The following JAK1 variants were observed in gnomAD, a reference collection of about 807,000 sequenced individuals.
JAK1 encodes tyrosine-protein kinase JAK1.
JAK1 carries 16 observed loss-of-function variants against 136.6 expected under a neutral mutation model. That is an observed-to-expected ratio of 0.12 (90% CI 0.08 to 0.18). The LOEUF is 0.18. JAK1 is among the 10% of genes least tolerant of loss of function. The pLI is 1.00. For synonymous variants in JAK1, 492 were observed against 519.5 expected, an observed-to-expected ratio of 0.95 and a Z score of 0.72; for missense variants, 859 against 1,450.1, an observed-to-expected ratio of 0.59 and a Z score of 6.62.
At chr1:65,053,784 G>A (rs1647400630) in intron 1 of JAK1, among the ~76,000 whole-genome samples, 1 of 152,234 alleles carries the variant, frequency 6.6e-6, no homozygotes, top group African/African-American at 2.4e-5. Context: ...TGGCACCACT[G>A]CACTCTAAGC....
intron 1 of JAK1, among the ~76,000 whole-genome samples, chr1:65,045,522 T>C (rs1435701404): frequency 6.6e-6 from 1 of 150,918 alleles, no homozygotes. Context: ...CATGAAATCA[T>C]GGTGGCTCTG....
chr1:64,851,618 A>G (rs1256466835), intron 11 of JAK1, among the ~76,000 whole-genome samples: 2 of 152,216 alleles, frequency 1.3e-5, no homozygotes, highest in Non-Finnish European at 2.9e-5. Context: ...TTCAAACAGC[A>G]AACCCAACAC....
chr1:64,844,681 C>T lies in JAK1; in HGVS notation c.2251+73G>A. 6.3e-7 allele frequency: 1 copy of T among 1,583,032 alleles called. No individual in the cohort carries two copies. The highest frequency in any genetic ancestry group is 8.7e-7 in the Non-Finnish European group (1 of 1,155,002). On this transcript the variant is annotated intron_variant, in intron 16 of 24. Coordinates refer to ENST00000342505, the MANE Select transcript of JAK1 (RefSeq NM_002227.4). The surrounding 1 kb of genome is among the most constrained non-coding windows in gnomAD (Gnocchi z 5.7). ...TGACTCTCTAAAAGGAGACCAACCC[C>T]AGCCCAGCCCTTCTCTCTGCTGACT... is the stretch of plus-strand genomic sequence containing the variant.
rs1646582501 is a variant in JAK1, at chr1:64,984,807, T to C, written c.-78+59673A>G. The C allele has an allele frequency of 3.7e-6, 4 of 1,079,700 alleles. No homozygotes were observed. Among genetic ancestry groups the C allele is most frequent in the Non-Finnish European group, 5.6e-6 (4 of 720,658 alleles). The allele number at this position is 1,079,700 out of a possible 1,614,324, so 66.9% of individuals were successfully genotyped here. ...GAAGTCGGTGAAGATAATAAAAACGTAGGCTCCTAAATAGTAAGCAGCAGA... is the reference window on the plus strand; with the variant it reads ...GAAGTCGGTGAAGATAATAAAAACGCAGGCTCCTAAATAGTAAGCAGCAGA... On this transcript the variant is annotated intron_variant, in intron 2 of 25. Transcript: ENST00000671954. This position sits in a 1 kb window ranked among gnomAD's most constrained non-coding sequence, Gnocchi z 4.1.
chr1:64,850,486 A>G (rs1306556931), intron 12 of JAK1, among the ~76,000 whole-genome samples: 1 of 152,180 alleles, frequency 6.6e-6, no homozygotes, highest in Non-Finnish European at 1.5e-5. Context: ...GCGAGGTGTG[A>G]TGGCCATGCT....
intron 2 of JAK1, among the ~76,000 whole-genome samples, chr1:64,884,068 T>C (rs1298812393): frequency 1.3e-5 from 2 of 151,972 alleles, no homozygotes; most frequent in Non-Finnish European, 1.5e-5. Flanking sequence ...GGAAGGGCCA[T>C]AACAATTAAT....
intron 1 of JAK1, among the ~76,000 whole-genome samples, chr1:64,925,756 T>C (rs1645573035): frequency 6.6e-6 from 1 of 152,210 alleles, no homozygotes; most frequent in South Asian, 2.1e-4. Context: ...CAATGAGACA[T>C]GGTATAAATC....
intron 21 of JAK1, 132 bp downstream of exon 21, chr1:64,838,332 AT>A (rs1654622814): frequency 2.0e-6 from 2 of 1,004,540 alleles, no homozygotes; most frequent in Middle Eastern, 3.0e-4. Flanking sequence ...CTAACTTTTC[AT>A]CTAAATAATG....
chr1:64,923,789 T>C (rs1645536692), intron 1 of JAK1, among the ~76,000 whole-genome samples: 2 of 152,174 alleles, frequency 1.3e-5, no homozygotes, highest in African/African-American at 4.8e-5. Flanking sequence ...GTCTTACTGA[T>C]ATGGTTCCAG....
chr1:64,889,677 G>C (rs1358046060), intron 1 of JAK1, among the ~76,000 whole-genome samples: 1 of 152,144 alleles, frequency 6.6e-6, no homozygotes, highest in Non-Finnish European at 1.5e-5. Context: ...TAAAATGTCA[G>C]AAATTTTTCC....
chr1:64,902,583 A>AGAGAGAGAGAGAGAGAGAGTGTGTGT lies in JAK1; in HGVS notation c.-77-16243_-77-16242insACACACACTCTCTCTCTCTCTCTCTC. On this transcript the variant is annotated intron_variant, in intron 1 of 24. Transcript: ENST00000342505. ...GAGAGAGAGAGAGAGAGAGAGAGAG[A>AGAGAGAGAGAGAGAGAGAGTGTGTGT]GTGTGTGTGTGTGTGTGTGTGTGTG... Among the ~76,000 whole-genome samples, 35 of 73,784 alleles carry AGAGAGAGAGAGAGAGAGAGTGTGTGT rather than the reference A, an allele frequency of 4.7e-4. 1 individual carries two copies. The highest frequency in any genetic ancestry group is 1.8e-3 in the African/African-American group (29 of 16,206). 48.4% of individuals were successfully genotyped at this position (73,784 alleles called of 152,430 possible).
At position 64,844,340 on chromosome 1, in the gene JAK1, C is replaced by CCTATGTGG; in HGVS notation, c.2252-126_2252-125insCCACATAG. ...CTTCAAGCAGTGTGCCCAAACATGG[C>CCTATGTGG]CCATGGCCACATAGGCCCTGTGCGG... is the stretch of plus-strand genomic sequence containing the variant. On this transcript the variant is annotated intron_variant, in intron 16 of 24. Transcript: ENST00000342505. This position sits in a 1 kb window ranked among gnomAD's most constrained non-coding sequence, Gnocchi z 5.7. 7.8e-7 allele frequency: 1 copy of CCTATGTGG among 1,277,772 alleles called. No individual in the cohort carries two copies. Among genetic ancestry groups the CCTATGTGG allele is most frequent in the Non-Finnish European group, 1.1e-6 (1 of 893,128 alleles). 79.2% of individuals were successfully genotyped at this position (1,277,772 alleles called of 1,614,324 possible). A position where few individuals can be genotyped will look rare whatever the true frequency, so the allele number is the denominator to read the frequency against.
intron 1 of JAK1, among the ~76,000 whole-genome samples, chr1:64,911,061 T>C (rs981327509): frequency 7.3e-6 from 1 of 136,566 alleles, no homozygotes; most frequent in African/African-American, 2.7e-5. Context: ...AATACCATGA[T>C]AAACAAGAAA....
Position 64,921,882 on chromosome 1 carries a change from G to T in JAK1, c.-77-35541C>A, listed in dbSNP as rs536189393. 5.3e-5 allele frequency among the ~76,000 whole-genome samples: 8 copies of T among 151,974 alleles called. 1 individual carries two copies. In the South Asian group the frequency reaches 1.7e-3, roughly 32 times the overall value. ...ATTTCCAACCAAGAAGATAATTCTT[G>T]AACTCTGTCCTTGTAATATGAAATA... On this transcript the variant is annotated intron_variant, in intron 1 of 24. Coordinates refer to ENST00000342505, the MANE Select transcript of JAK1 (RefSeq NM_002227.4).
chr1:65,046,357 C>T (rs1546187), intron 1 of JAK1, among the ~76,000 whole-genome samples: 96,711 of 152,006 alleles, frequency 0.64, 31,579 homozygotes, highest in Middle Eastern at 0.73. Context: ...CCAAAGGGAG[C>T]CCACAGGATG....
Position 64,841,568 on chromosome 1 carries a change from C to T in JAK1, c.2437G>A (p.Val813Met). Residue 813 changes from valine to methionine, a missense_variant, in exon 18 of 25, where the codon GTG becomes ATG. Transcript: ENST00000342505. ...ERFYESRCRP[V>M]TPSCKELADL... is the part of the protein sequence containing the mutation. The stretch of plus-strand genomic sequence containing the variant: ...GCCAGCTCCTTACATGATGGTGTCA[C>T]TGGCCTGCACCGGCTTTCATAGAAT... 1 of 1,614,156 alleles carries T rather than the reference C, an allele frequency of 6.2e-7. No homozygotes were observed. Among genetic ancestry groups the T allele is most frequent in the South Asian group, 1.1e-5 (1 of 91,082 alleles).
chr1:65,002,297 C>G (rs530622985), intron 2 of JAK1: 2 of 152,204 alleles, frequency 1.3e-5, no homozygotes, highest in East Asian at 1.9e-4. Flanking sequence ...GCAGTGGGCT[C>G]GGTACCGCCA....
At chr1:65,034,572 G>A (rs1647053277) in intron 2 of JAK1, among the ~76,000 whole-genome samples, 1 of 152,148 alleles carries the variant, frequency 6.6e-6, no homozygotes, top group Admixed American at 6.5e-5. Context: ...GGTAGCTTGA[G>A]TCCACACAAG....
At chr1:65,035,415 A>G (rs1426178624) in intron 2 of JAK1, among the ~76,000 whole-genome samples, 1 of 152,216 alleles carries the variant, frequency 6.6e-6, no homozygotes, top group Non-Finnish European at 1.5e-5. Flanking sequence ...GAGGAAACGC[A>G]TCCGTGAGAT....
Sources: allele counts gnomAD v4.1 joint callset (sites outside exome capture counted in the v4.1 genomes callset), GRCh38; gene constraint gnomAD v4.1.1; non-coding constraint Gnocchi (gnomAD v3.1); transcripts MANE v1.5; gene names NCBI Gene and HGNC (gene_info 2026-07-23, HGNC 2026-07-21).